The following ACBD5 variants were observed in gnomAD, a reference collection of about 807,000 sequenced individuals.
ACBD5 encodes acyl-CoA binding domain containing 5, also known as acyl-CoA-binding domain-containing protein 5.
A neutral mutation model predicts 71.8 loss-of-function variants in ACBD5; 40 were observed. The ratio of observed to expected loss-of-function variants is 0.56; its 90% CI spans 0.43 to 0.72. ACBD5 has a LOEUF of 0.72. Among genes scored for constraint, ACBD5 ranks in the 30% least tolerant of loss-of-function variants. The pLI is 0.00. For synonymous variants in ACBD5, 229 were observed against 218.6 expected (o/e 1.05, Z -0.42); for missense variants, 559 against 644.5 (o/e 0.87, Z 1.44).
chr10:27,213,296 A>C (rs576661929), intron 8 of ACBD5, among the ~76,000 whole-genome samples: 1 of 152,330 alleles, frequency 6.6e-6, no homozygotes, highest in East Asian at 1.9e-4. Flanking sequence ...TGCAAATCAA[A>C]ACTACAATGA....
chr10:27,210,733 G>A, intron 9 of ACBD5, 81 bp downstream of exon 9: 1 of 1,588,654 alleles, frequency 6.3e-7, no homozygotes, highest in African/African-American at 1.3e-5. Context: ...ACACCAGCCT[G>A]GGCGACAGAG....
At chr10:27,217,781 G>A (rs2061835849) in intron 7 of ACBD5, among the ~76,000 whole-genome samples, 199 bp downstream of exon 7, 2 of 152,264 alleles carry the variant, frequency 1.3e-5, no homozygotes, top group African/African-American at 4.8e-5. Flanking sequence ...ACTCCAGCCT[G>A]GGCAACAGAA....
downstream of ACBD5, among the ~76,000 whole-genome samples, chr10:27,193,949 G>A (rs1295937299): frequency 6.6e-6 from 1 of 152,040 alleles, no homozygotes; most frequent in Non-Finnish European, 1.5e-5. Context: ...GTCATAGATG[G>A]GTATTAAAAA....
chr10:27,223,937 A>G (rs1261899930), intron 4 of ACBD5, among the ~76,000 whole-genome samples: 1 of 151,834 alleles, frequency 6.6e-6, no homozygotes, highest in Non-Finnish European at 1.5e-5. Context: ...AATAAAAGGA[A>G]TCCTTTAAAA....
chr10:27,216,206 T>C (rs1429126465), intron 7 of ACBD5, among the ~76,000 whole-genome samples: 2 of 151,272 alleles, frequency 1.3e-5, no homozygotes, highest in African/African-American at 4.9e-5. Flanking sequence ...AGTGGTGTGA[T>C]CTCGGCTCAC....
At position 27,195,883 on chromosome 10, in the gene ACBD5, T is replaced by C. The variant is rs1158548681; in HGVS notation, c.*1547A>G. 2.2e-6 allele frequency: 1 copy of C among 453,526 alleles called. No homozygotes were observed. The highest frequency in any genetic ancestry group is 6.9e-5 in the East Asian group (1 of 14,398). 28.1% of individuals were successfully genotyped at this position (453,526 alleles called of 1,614,324 possible). A position where few individuals can be genotyped will look rare whatever the true frequency, so the allele number is the denominator to read the frequency against. On this transcript the variant is annotated 3_prime_UTR_variant, in exon 13 of 13. Coordinates refer to ENST00000396271, the MANE Select transcript of ACBD5 (RefSeq NM_145698.5). Reference sequence around the variant, plus strand: ...TGAACATATGATGTTAAACCCAACATCATACATCTTGAGAATGCTTAAAAA... The same window carrying C: ...TGAACATATGATGTTAAACCCAACACCATACATCTTGAGAATGCTTAAAAA...
rs767680992 is a variant in ACBD5 at position 27,217,972 on chromosome 10, G to T, written c.829+8C>A. 2.5e-6 allele frequency: 4 copies of T among 1,613,152 alleles called. No homozygotes were observed. Among genetic ancestry groups the T allele is most frequent in the Non-Finnish European group, 3.4e-6 (4 of 1,179,294 alleles). ...GAGGCTGGACACAGAATTATTTGGG[G>T]ACAATACCTTGGTGAATGCAAACAG... On this transcript the variant is annotated splice_region_variant and intron_variant, in intron 7 of 12. Transcript: ENST00000396271.
intron 12 of ACBD5, among the ~76,000 whole-genome samples, chr10:27,202,672 T>A (rs2060043226): frequency 1.3e-5 from 2 of 152,188 alleles, no homozygotes; most frequent in Non-Finnish European, 1.5e-5. Flanking sequence ...TTTAGAGTTT[T>A]TTTTTTAAGC....
chr10:27,208,112 T>A, intron 10 of ACBD5, 134 bp downstream of exon 10: 1 of 920,016 alleles, frequency 1.1e-6, no homozygotes, highest in South Asian at 1.5e-5. Flanking sequence ...TTAAACAATA[T>A]TTTCAAAACC....
chr10:27,219,613 T>C, intron 6 of ACBD5, 110 bp downstream of exon 6: 1 of 1,458,802 alleles, frequency 6.9e-7, no homozygotes, highest in Non-Finnish European at 9.5e-7. Flanking sequence ...GTCAACAGCT[T>C]ACATCCCACC....
At chr10:27,183,093 A>C (rs2058420674) in intron 13 of ACBD5, among the ~76,000 whole-genome samples, 1 of 152,142 alleles carries the variant, frequency 6.6e-6, no homozygotes, top group South Asian at 2.1e-4. Context: ...ATGTTCTGTA[A>C]TTTCTTATTG....
chr10:27,190,275 ACT>A (rs1395569662), downstream of ACBD5, among the ~76,000 whole-genome samples: 1 of 151,780 alleles, frequency 6.6e-6, no homozygotes, highest in Non-Finnish European at 1.5e-5. Flanking sequence ...ACAGAATGAG[ACT>A]CTGCCTCAAA....
intron 12 of ACBD5, among the ~76,000 whole-genome samples, chr10:27,198,662 G>A (rs2059600066): frequency 1.3e-5 from 2 of 152,182 alleles, no homozygotes; most frequent in Non-Finnish European, 2.9e-5. Context: ...AATTGAAATG[G>A]TTGACAAAGA....
chr10:27,205,396 G>C (rs1252325077), intron 10 of ACBD5, 148 bp from the exon 11 acceptor site: 2 of 736,934 alleles, frequency 2.7e-6, no homozygotes, highest in Non-Finnish European at 4.7e-6. Context: ...TTGGAACGTA[G>C]AAATATTAGT....
intron 12 of ACBD5, among the ~76,000 whole-genome samples, chr10:27,198,847 A>C (rs1347762845): frequency 6.6e-6 from 1 of 152,176 alleles, no homozygotes; most frequent in Non-Finnish European, 1.5e-5. Flanking sequence ...ACTGTAGCTC[A>C]CGCCTGTAAT....
At chr10:27,185,753 C>A (rs2058679679) in intron 13 of ACBD5, among the ~76,000 whole-genome samples, 1 of 149,956 alleles carries the variant, frequency 6.7e-6, no homozygotes, top group African/African-American at 2.5e-5. Context: ...CACCACTACA[C>A]TCCAGATTGG....
Position 27,196,803 on chromosome 10 carries a change from C to T in ACBD5, c.*627G>A. The T allele has an allele frequency of 2.2e-6, 1 of 454,136 alleles. No individual in the cohort carries two copies. The allele number at this position is 454,136 out of a possible 1,614,324, so 28.1% of individuals were successfully genotyped here. A position where few individuals can be genotyped will look rare whatever the true frequency, so the allele number is the denominator to read the frequency against. The stretch of plus-strand genomic sequence containing the variant: ...CTAGCCTGCAAATCATTTGTAAAAA[C>T]TCAGTCTGGTACATAGGACTCCACT... On this transcript the variant is annotated 3_prime_UTR_variant, in exon 13 of 13. Coordinates refer to ENST00000396271, the MANE Select transcript of ACBD5 (RefSeq NM_145698.5).
intron 13 of ACBD5, among the ~76,000 whole-genome samples, chr10:27,188,153 A>G (rs2058887566): frequency 6.6e-6 from 1 of 152,234 alleles, no homozygotes; most frequent in Non-Finnish European, 1.5e-5. Context: ...AATTAGTGCT[A>G]TATAACTGAA....
At chr10:27,204,338 A>G (rs995236907) in intron 12 of ACBD5, 102 bp downstream of exon 12, 1 of 785,692 alleles carries the variant, frequency 1.3e-6, no homozygotes, top group East Asian at 2.5e-5. Context: ...ATGACGATGT[A>G]TCTATAAAAT....
Sources: gnomAD v4.1 joint callset for allele counts (sites outside exome capture counted in the v4.1 genomes callset) on GRCh38, gnomAD v4.1.1 for gene constraint, MANE v1.5 for transcripts, NCBI Gene and HGNC (gene_info 2026-07-23, HGNC 2026-07-21) for gene names.